Variants in LRTM3 observed in about 807,000 individuals in gnomAD.
LRTM3 encodes leucine rich repeat transmembrane protein 3, also known as leucine-rich repeat transmembrane protein 3.
the LRTM3 span, chr13:102,738,199 T>C: frequency 6.4e-7 from 1 of 1,551,042 alleles, no homozygotes; most frequent in African/African-American, 1.4e-5. Flanking sequence ...GCATTATGTC[T>C]TTCTTAGCTG....
At chr13:102,730,644 C>CA in the LRTM3 span, 1 of 1,552,036 alleles carries the variant, frequency 6.4e-7, no homozygotes, top group South Asian at 1.2e-5. Context: ...GATGAGTTTT[C>CA]ATGGGGACTT....
At chr13:102,740,603 G>A in the LRTM3 span, 1 of 1,548,764 alleles carries the variant, frequency 6.5e-7, no homozygotes, top group African/African-American at 1.4e-5. Flanking sequence ...TTGTTTCACT[G>A]CTTCTCTTGT....
the LRTM3 span, chr13:102,740,254 A>G: frequency 6.5e-7 from 1 of 1,549,638 alleles, no homozygotes; most frequent in Non-Finnish European, 8.7e-7. Flanking sequence ...TTATAGTTTT[A>G]TGGTATGATC....
chr13:102,738,078 C>T, the LRTM3 span: 3 of 1,551,032 alleles, frequency 1.9e-6, no homozygotes, highest in Non-Finnish European at 1.7e-6. Flanking sequence ...CCTTCTCTGT[C>T]CTCTTTCCCT....
chr13:102,754,198 C>A, the LRTM3 span, among the ~76,000 whole-genome samples: 1 of 128,346 alleles, frequency 7.8e-6, no homozygotes, highest in Admixed American at 8.2e-5. Flanking sequence ...GAATGAGACT[C>A]CATCTCCAAA....
the LRTM3 span, chr13:102,758,540 T>C: frequency 1.3e-6 from 2 of 1,546,386 alleles, no homozygotes; most frequent in Non-Finnish European, 1.7e-6. Flanking sequence ...GTATAATACT[T>C]ACCAAGTTTC....
chr13:102,734,205 C>T, the LRTM3 span: 79 of 1,551,296 alleles, frequency 5.1e-5, no homozygotes, highest in Non-Finnish European at 1.2e-5. Context: ...GTTTTCACTT[C>T]ATGCCTGTTT....
the LRTM3 span, chr13:102,743,115 CATAGAAT>C: frequency 6.4e-7 from 1 of 1,550,400 alleles, no homozygotes; most frequent in Non-Finnish European, 8.7e-7. Context: ...AAGTTTTCTG[CATAGAAT>C]GGATCCATTT....
chr13:102,737,708 T>A, the LRTM3 span: 1 of 1,550,906 alleles, frequency 6.4e-7, no homozygotes, highest in Non-Finnish European at 8.7e-7. Context: ...ATCTTTTGCT[T>A]TTTGTACTTC....
chr13:102,749,940 C>A, the LRTM3 span: 1 of 1,551,126 alleles, frequency 6.4e-7, no homozygotes, highest in Non-Finnish European at 8.7e-7. Flanking sequence ...TGATTCCTCA[C>A]ATTTTCTTCC....
the LRTM3 span, chr13:102,736,305 TACTC>T: frequency 6.4e-7 from 1 of 1,551,124 alleles, no homozygotes. Flanking sequence ...TCCTTTCTCT[TACTC>T]AGAGGACTGT....
chr13:102,752,015 C>T, the LRTM3 span, among the ~76,000 whole-genome samples: 10 of 152,136 alleles, frequency 6.6e-5, no homozygotes, highest in Admixed American at 6.5e-4. Flanking sequence ...TTGCACCACC[C>T]TTGATATCAA....
At chr13:102,753,364 A>T in the LRTM3 span, among the ~76,000 whole-genome samples, 480 of 152,220 alleles carry the variant, frequency 3.2e-3, 2 homozygotes, top group African/African-American at 0.011. Context: ...GGACAGACAA[A>T]TACCTAAAGC....
At chr13:102,747,620 G>T in the LRTM3 span, 1 of 1,551,134 alleles carries the variant, frequency 6.4e-7, no homozygotes, top group Admixed American at 2.0e-5. Flanking sequence ...TCCACCAAAT[G>T]GGACACTATA....
the LRTM3 span, chr13:102,750,069 C>A: frequency 6.4e-7 from 1 of 1,550,448 alleles, no homozygotes; most frequent in Non-Finnish European, 8.7e-7. Flanking sequence ...GAAGAAAATC[C>A]TGAATTTTTG....
At chr13:102,758,477 G>A in the LRTM3 span, 2 of 1,535,992 alleles carry the variant, frequency 1.3e-6, no homozygotes, top group African/African-American at 1.4e-5. Context: ...AAAAGTCACA[G>A]TATCAATGAG....
At chr13:102,740,809 C>A in the LRTM3 span, 1 of 1,549,452 alleles carries the variant, frequency 6.5e-7, no homozygotes, top group Non-Finnish European at 8.7e-7. Context: ...AAGTGAGGTA[C>A]CCTAAACTAT....
the LRTM3 span, chr13:102,742,444 G>A: frequency 6.5e-7 from 1 of 1,548,052 alleles, no homozygotes; most frequent in Admixed American, 2.0e-5. Flanking sequence ...CAAATGTCTT[G>A]GGATCTGCCC....
chr13:102,743,590 T>C, the LRTM3 span: 1 of 1,550,296 alleles, frequency 6.5e-7, no homozygotes. Flanking sequence ...TAGAGTCAGA[T>C]AAAACAGGCA....
Sources: allele counts gnomAD v4.1 joint callset (sites outside exome capture counted in the v4.1 genomes callset), GRCh38; gene constraint gnomAD v4.1.1; transcripts MANE v1.5; gene names NCBI Gene and HGNC (gene_info 2026-07-23, HGNC 2026-07-21).